The following ZNF385D variants were observed in gnomAD, a reference collection of about 807,000 sequenced individuals.
The protein encoded by ZNF385D is zinc finger protein 659.
Under a neutral mutation model 35.8 loss-of-function variants are expected in ZNF385D, and 15 were observed. The observed-to-expected ratio is 0.42, with a 90% CI of 0.28 to 0.64. The LOEUF is 0.64. ZNF385D is among the 30% of genes least tolerant of loss of function. The pLI is 0.23. For synonymous variants in ZNF385D, 212 were observed against 186.8 expected (o/e 1.13, Z -1.10); for missense variants, 474 against 494.6 (o/e 0.96, Z 0.39).
chr3:22,177,949 G>A (rs1374989358), intron 2 of ZNF385D, among the ~76,000 whole-genome samples: 1 of 152,166 alleles, frequency 6.6e-6, no homozygotes, highest in East Asian at 1.9e-4. Context: ...ATTCCATGGT[G>A]TATATGTGCC....
chr3:22,099,666 T>C (rs1056300919), intron 3 of ZNF385D, among the ~76,000 whole-genome samples: 6 of 151,830 alleles, frequency 4.0e-5, no homozygotes, highest in Admixed American at 6.6e-5. Context: ...TAGAGATAGG[T>C]AGTCATCCTG....
chr3:22,296,977 C>T (rs1209258158), intron 2 of ZNF385D, among the ~76,000 whole-genome samples: 1 of 152,038 alleles, frequency 6.6e-6, no homozygotes, highest in Non-Finnish European at 1.5e-5. Context: ...AACAGTTTTG[C>T]CCTAACATTT....
At chr3:21,826,852 A>G (rs903306625) in intron 3 of ZNF385D, among the ~76,000 whole-genome samples, 3 of 151,576 alleles carry the variant, frequency 2.0e-5, no homozygotes, top group Non-Finnish European at 4.4e-5. Context: ...CTCCTGTAGA[A>G]CAAGGTTGTG....
chr3:22,285,899 C>T (rs934187002), intron 2 of ZNF385D, among the ~76,000 whole-genome samples: 1 of 152,050 alleles, frequency 6.6e-6, no homozygotes. Flanking sequence ...AAATCTTATG[C>T]CAAACCGTAT....
chr3:21,979,127 G>A (rs1288609562), intron 3 of ZNF385D, among the ~76,000 whole-genome samples: 1 of 151,940 alleles, frequency 6.6e-6, no homozygotes, highest in African/African-American at 2.4e-5. Context: ...CTGACCAAAT[G>A]ATACACAGTT....
At chr3:22,123,955 TCTC>T (rs1487335659) in intron 3 of ZNF385D, among the ~76,000 whole-genome samples, 2 of 92,644 alleles carry the variant, frequency 2.2e-5, no homozygotes, top group Non-Finnish European at 4.8e-5. Flanking sequence ...TCTCTCTCTC[TCTC>T]TCTCTATATA....
At chr3:22,171,804 G>C (rs1225077672) in intron 2 of ZNF385D, among the ~76,000 whole-genome samples, 1 of 149,644 alleles carries the variant, frequency 6.7e-6, no homozygotes, top group South Asian at 2.1e-4. Context: ...GTGAACCCGG[G>C]AGGTAGAGCT....
chr3:21,776,810 A>C (rs9917688), intron 3 of ZNF385D, among the ~76,000 whole-genome samples: 29 of 151,810 alleles, frequency 1.9e-4, no homozygotes, highest in South Asian at 2.1e-4. Context: ...GGCTACCAGA[A>C]CTCCATGAGA....
intron 3 of ZNF385D, among the ~76,000 whole-genome samples, chr3:21,878,615 C>A (rs977597188): frequency 6.6e-6 from 1 of 151,986 alleles, no homozygotes; most frequent in African/African-American, 2.4e-5. Context: ...TTCATGCTTC[C>A]ATGTTTCCAT....
chr3:21,528,388 T>C (rs1462039855), intron 3 of ZNF385D, among the ~76,000 whole-genome samples: 1 of 152,186 alleles, frequency 6.6e-6, no homozygotes, highest in African/African-American at 2.4e-5. Context: ...CACTGGCTAC[T>C]TGACTGAGTG....
At chr3:22,196,328 T>C (rs1358798016) in intron 2 of ZNF385D, among the ~76,000 whole-genome samples, 1 of 151,496 alleles carries the variant, frequency 6.6e-6, no homozygotes, top group Non-Finnish European at 1.5e-5. Context: ...GTCATTCTTT[T>C]ACTTCATATC....
At chr3:21,752,796 G>A (rs549749998), upstream of ZNF385D, among the ~76,000 whole-genome samples, 9 of 152,058 alleles carry the variant, frequency 5.9e-5, no homozygotes, top group East Asian at 1.9e-4. Flanking sequence ...ACAATGTTAC[G>A]GGAAAGTATT....
chr3:22,262,990 C>G (rs1700713197), intron 2 of ZNF385D, among the ~76,000 whole-genome samples: 1 of 151,982 alleles, frequency 6.6e-6, no homozygotes, highest in South Asian at 2.1e-4. Flanking sequence ...CAGACACAGT[C>G]AGACCTATCT....
At chr3:21,670,173 T>A (rs1575431216) in intron 1 of ZNF385D, among the ~76,000 whole-genome samples, 1 of 152,126 alleles carries the variant, frequency 6.6e-6, no homozygotes, top group South Asian at 2.1e-4. Flanking sequence ...AAACATCTAA[T>A]TTCCTGATAG....
chr3:21,452,290 T>A (rs1293792254), intron 4 of ZNF385D, among the ~76,000 whole-genome samples: 1 of 152,002 alleles, frequency 6.6e-6, no homozygotes, highest in East Asian at 1.9e-4. Flanking sequence ...GTTCTCCAAA[T>A]ACAGTTCTCT....
intron 2 of ZNF385D, among the ~76,000 whole-genome samples, chr3:22,250,648 TAAAC>T (rs538968035): frequency 1.3e-3 from 202 of 152,184 alleles, no homozygotes; most frequent in African/African-American, 4.5e-3. Flanking sequence ...AGAAGAATAT[TAAAC>T]AAAGCACAGG....
intron 3 of ZNF385D, among the ~76,000 whole-genome samples, chr3:22,092,743 C>T (rs1311973708): frequency 6.6e-6 from 1 of 152,046 alleles, no homozygotes; most frequent in Non-Finnish European, 1.5e-5. Flanking sequence ...ATTAAGATTA[C>T]TGTCTGGTAA....
intron 3 of ZNF385D, among the ~76,000 whole-genome samples, chr3:22,104,063 G>T (rs1483795067): frequency 6.6e-6 from 1 of 152,104 alleles, no homozygotes; most frequent in East Asian, 1.9e-4. Context: ...CTTGGGGAGT[G>T]AGGGACGTAT....
At chr3:21,655,049 A>T (rs1286102141) in intron 2 of ZNF385D, among the ~76,000 whole-genome samples, 16 of 152,018 alleles carry the variant, frequency 1.1e-4, no homozygotes, top group Admixed American at 1.0e-3. Context: ...TTTGGCCATG[A>T]GGTAGAACAC....
Sources: gnomAD v4.1 joint callset for allele counts (sites outside exome capture counted in the v4.1 genomes callset) on GRCh38, gnomAD v4.1.1 for gene constraint, MANE v1.5 for transcripts, NCBI Gene and HGNC (gene_info 2026-07-23, HGNC 2026-07-21) for gene names.